The following GDAP2 variants were observed in gnomAD, a reference collection of about 807,000 sequenced individuals.
GDAP2 encodes the protein ganglioside-induced differentiation-associated protein 2.
In GDAP2, 51 loss-of-function variants were observed where a neutral mutation model predicts 67.0. That is an observed-to-expected ratio of 0.76 (90% CI 0.61 to 0.96). The LOEUF (loss-of-function observed/expected upper bound fraction) is 0.96, where lower values mean the gene tolerates loss of function less well. Ranked by LOEUF, GDAP2 falls within the 40% of genes least tolerant of loss-of-function variation. GDAP2 has a pLI of 0.00. For missense variants in GDAP2, 547 were observed against 588.3 expected (o/e 0.93, Z 0.73); for synonymous variants, 203 against 207.3 (o/e 0.98, Z 0.18).
At position 117,868,040 on chromosome 1, in the gene GDAP2, A is replaced by G. The variant is rs1306517325; in HGVS notation, c.*2529T>C. The G allele has an allele frequency of 6.6e-6, 1 of 152,228 alleles. No individual in the cohort carries two copies. Among genetic ancestry groups the G allele is most frequent in the Non-Finnish European group, 1.5e-5 (1 of 68,034 alleles). 9.4% of individuals were successfully genotyped at this position (152,228 alleles called of 1,614,324 possible). On this transcript the variant is annotated 3_prime_UTR_variant, in exon 14 of 14. Transcript: ENST00000369443. ...AAATTAAAGACTTGGTGGTGCTTTG[A>G]ATTAACATCAGATGCTGGTGGTCAT...
intron 6 of GDAP2, among the ~76,000 whole-genome samples, chr1:117,900,519 G>C (rs1463347157): frequency 6.6e-6 from 1 of 152,142 alleles, no homozygotes; most frequent in Admixed American, 6.5e-5. Flanking sequence ...TGTAATCACA[G>C]CATTCTAGGA....
chr1:117,876,163 T>C (rs956813554), intron 13 of GDAP2, among the ~76,000 whole-genome samples: 1 of 152,020 alleles, frequency 6.6e-6, no homozygotes. Flanking sequence ...AGTCATGGGG[T>C]GGGGCAGATC....
At chr1:117,924,630 C>T (rs1222379027) in intron 1 of GDAP2, among the ~76,000 whole-genome samples, 1 of 152,134 alleles carries the variant, frequency 6.6e-6, no homozygotes, top group Non-Finnish European at 1.5e-5. Context: ...TAAATCAACA[C>T]TGCGGAACAG....
intron 7 of GDAP2, 34 bp downstream of exon 7, chr1:117,899,023 G>A: frequency 6.3e-7 from 1 of 1,574,958 alleles, no homozygotes. Context: ...GGCCCTAAGA[G>A]GGAGATTTAA....
At chr1:117,901,749 T>G (rs1649478561) in intron 6 of GDAP2, among the ~76,000 whole-genome samples, 1 of 152,238 alleles carries the variant, frequency 6.6e-6, no homozygotes. Flanking sequence ...CTGGGAAGAC[T>G]GTCCCTGTAA....
intron 8 of GDAP2, 150 bp downstream of exon 8, chr1:117,896,683 C>G: frequency 1.9e-6 from 1 of 527,872 alleles, no homozygotes; most frequent in Non-Finnish European, 3.2e-6. Flanking sequence ...TTTTGCACCT[C>G]CAAAATGAGG....
intron 7 of GDAP2, 130 bp downstream of exon 7, chr1:117,898,927 T>C (rs1649352068): frequency 4.4e-6 from 3 of 685,470 alleles, no homozygotes; most frequent in African/African-American, 3.6e-5. Flanking sequence ...ACTTCTAAAC[T>C]GGTCTTGATA....
chr1:117,882,313 A>G (rs1456224458), intron 11 of GDAP2, among the ~76,000 whole-genome samples: 1 of 152,162 alleles, frequency 6.6e-6, no homozygotes, highest in Non-Finnish European at 1.5e-5. Flanking sequence ...TAACAATATT[A>G]TAACAGAATT....
chr1:117,885,137 CA>C (rs1648805956), intron 10 of GDAP2, among the ~76,000 whole-genome samples: 1 of 152,162 alleles, frequency 6.6e-6, no homozygotes, highest in South Asian at 2.1e-4. Flanking sequence ...GGATTATAGG[CA>C]TGAACTACCA....
At chr1:117,877,683 A>C (rs996485119) in intron 13 of GDAP2, 41 of 1,037,504 alleles carry the variant, frequency 4.0e-5, no homozygotes, top group Non-Finnish European at 4.5e-5. Flanking sequence ...TGTAGATGGA[A>C]AGCCATTCAA....
In GDAP2 at chr1:117,869,554, A is replaced by C. The variant is rs1648184546; in HGVS notation, c.*1015T>G. 6.6e-6 allele frequency: 1 copy of C among 152,658 alleles called. No homozygotes were observed. The highest frequency in any genetic ancestry group is 2.1e-4 in the South Asian group (1 of 4,830). The allele number at this position is 152,658 out of a possible 1,614,324, so 9.5% of individuals were successfully genotyped here. A position where few individuals can be genotyped will look rare whatever the true frequency, so the allele number is the denominator to read the frequency against. On this transcript the variant is annotated 3_prime_UTR_variant, in exon 14 of 14. Transcript: ENST00000369443. Reference sequence around the variant, plus strand: ...ATGATACCTCTGTGAGGTAGGCAGCATAATTCTAATTTTTACTCATAACCA... The same window carrying C: ...ATGATACCTCTGTGAGGTAGGCAGCCTAATTCTAATTTTTACTCATAACCA...
intron 5 of GDAP2, among the ~76,000 whole-genome samples, chr1:117,911,386 A>G (rs1348148230): frequency 6.6e-6 from 1 of 152,212 alleles, no homozygotes; most frequent in African/African-American, 2.4e-5. Flanking sequence ...TGTTATACAA[A>G]TATGATATCA....
intron 12 of GDAP2, among the ~76,000 whole-genome samples, chr1:117,879,917 C>A (rs766198645): frequency 5.3e-5 from 8 of 152,138 alleles, no homozygotes; most frequent in Non-Finnish European, 8.8e-5. Flanking sequence ...GTGGCTCATG[C>A]CAGTAATCCC....
intron 12 of GDAP2, among the ~76,000 whole-genome samples, chr1:117,880,657 G>A (rs1006126292): frequency 6.6e-6 from 1 of 152,218 alleles, no homozygotes; most frequent in East Asian, 1.9e-4. Context: ...ACACTCTGTA[G>A]TTTACAGTCT....
intron 13 of GDAP2, among the ~76,000 whole-genome samples, chr1:117,875,350 A>G (rs1648421320): frequency 1.3e-5 from 2 of 152,232 alleles, no homozygotes; most frequent in Non-Finnish European, 2.9e-5. Context: ...GGTGCAAGCT[A>G]TAAGCTTTGG....
Position 117,870,626 on chromosome 1 carries a change from G to GA in GDAP2, c.1447-11dup. 4 of 1,564,648 alleles carry GA rather than the reference G, an allele frequency of 2.6e-6. No individual in the cohort carries two copies. Among genetic ancestry groups the GA allele is most frequent in the Non-Finnish European group, 3.5e-6 (4 of 1,137,100 alleles). ...AGTAAGGCCCGTTTTCCTGTGGAAAGAAAAAAGGAGAAGAACATTTAAGTA... is the reference window on the plus strand; with the variant it reads ...AGTAAGGCCCGTTTTCCTGTGGAAAGAAAAAAAGGAGAAGAACATTTAAGTA... On this transcript the variant is annotated splice_polypyrimidine_tract_variant and intron_variant, in intron 13 of 13. Transcript: ENST00000369443.
rs1449731534 is a variant in GDAP2, at chr1:117,906,457, G to A, written c.636+49C>T. On this transcript the variant is annotated intron_variant, in intron 6 of 13. Coordinates refer to ENST00000369443, the MANE Select transcript of GDAP2 (RefSeq NM_017686.4). ...ATGTAGTGACAAGCCAAAGTCAAAT[G>A]CTTAAAGATAGAAATAAGATTTAAA... 7 of 980,960 alleles carry A rather than the reference G, an allele frequency of 7.1e-6. No homozygotes were observed. The East Asian group carries it at 1.7e-4, about 23-fold the overall frequency. The allele number at this position is 980,960 out of a possible 1,614,324, so 60.8% of individuals were successfully genotyped here. A position where few individuals can be genotyped will look rare whatever the true frequency, so the allele number is the denominator to read the frequency against.
rs1053894347 is a variant in GDAP2, at chr1:117,866,119, A to G, written c.*4450T>C. 2 of 152,166 alleles carry G rather than the reference A, an allele frequency of 1.3e-5. No individual in the cohort carries two copies. The highest frequency in any genetic ancestry group is 2.9e-5 in the Non-Finnish European group (2 of 68,048). 9.4% of individuals were successfully genotyped at this position (152,166 alleles called of 1,614,324 possible). On this transcript the variant is annotated 3_prime_UTR_variant, in exon 14 of 14. Coordinates refer to ENST00000369443, the MANE Select transcript of GDAP2 (RefSeq NM_017686.4). ...TGTTCTCCTCCTCGTCTGCAAATTCATATGTTGAAGCCCTAACATACAAAG... is the reference window on the plus strand; with the variant it reads ...TGTTCTCCTCCTCGTCTGCAAATTCGTATGTTGAAGCCCTAACATACAAAG...
At chr1:117,905,593 C>T (rs1649627502) in intron 6 of GDAP2, among the ~76,000 whole-genome samples, 2 of 152,102 alleles carry the variant, frequency 1.3e-5, no homozygotes, top group Non-Finnish European at 2.9e-5. Flanking sequence ...CTGAATTTAT[C>T]TGAATTATCT....
Sources: gnomAD v4.1 joint callset for allele counts (sites outside exome capture counted in the v4.1 genomes callset) on GRCh38, gnomAD v4.1.1 for gene constraint, MANE v1.5 for transcripts, NCBI Gene and HGNC (gene_info 2026-07-23, HGNC 2026-07-21) for gene names.